The following CSMD1 variants were observed in gnomAD, a reference collection of about 807,000 sequenced individuals.
The protein encoded by CSMD1 is CUB and sushi domain-containing protein 1.
Under a neutral mutation model 417.5 loss-of-function variants are expected in CSMD1, and 213 were observed. The ratio of observed to expected loss-of-function variants is 0.51; its 90% CI spans 0.46 to 0.57. The LOEUF (loss-of-function observed/expected upper bound fraction) is 0.57. Ranked by LOEUF, CSMD1 falls within the 20% of genes least tolerant of loss-of-function variation. The pLI, the probability that CSMD1 is intolerant of heterozygous loss-of-function variation, is 0.00. For synonymous variants in CSMD1, 2,862 were observed against 1,736.8 expected, an observed-to-expected ratio of 1.65 and a Z score of -16.11; for missense variants, 6,923 against 4,529.7, an observed-to-expected ratio of 1.53 and a Z score of -15.17.
intron 3 of CSMD1, among the ~76,000 whole-genome samples, chr8:4,047,184 G>A (rs1192162396): frequency 6.6e-6 from 1 of 152,164 alleles, no homozygotes; most frequent in East Asian, 1.9e-4. Flanking sequence ...CCTGTGCTGG[G>A]CCAGATGCTC....
At chr8:3,336,540 T>C (rs995335322) in intron 23 of CSMD1, among the ~76,000 whole-genome samples, 1 of 152,168 alleles carries the variant, frequency 6.6e-6, no homozygotes, top group Non-Finnish European at 1.5e-5. Flanking sequence ...AAAAGTGTGG[T>C]GGTTGGGATT....
intron 2 of CSMD1, among the ~76,000 whole-genome samples, chr8:4,582,467 G>A (rs1266261135): frequency 3.9e-5 from 6 of 152,158 alleles, no homozygotes; most frequent in Admixed American, 3.9e-4. Flanking sequence ...GCCCAATACA[G>A]ATCCACTCTT....
chr8:3,810,489 G>T (rs991016077), intron 5 of CSMD1, among the ~76,000 whole-genome samples: 2 of 152,098 alleles, frequency 1.3e-5, no homozygotes, highest in Admixed American at 6.5e-5. Context: ...CAGCCTTTGG[G>T]ACCTGGGGCT....
Position 2,961,226 on chromosome 8 carries a change from G to T in CSMD1, c.9629-12C>A, listed in dbSNP as rs1433061135. 6.4e-7 allele frequency: 1 copy of T among 1,564,720 alleles called. No individual in the cohort carries two copies. Among genetic ancestry groups the T allele is most frequent in the Non-Finnish European group, 8.7e-7 (1 of 1,144,930 alleles). ...GTTATGAGCAGGATCTGAAATTTGT[G>T]ATTTAAAAAGAAAAGAGGGCACCAG... On this transcript the variant is annotated splice_polypyrimidine_tract_variant and intron_variant, in intron 61 of 69. Coordinates refer to ENST00000635120, the MANE Select transcript of CSMD1 (RefSeq NM_033225.6).
At chr8:4,010,495 C>G (rs186353074) in intron 4 of CSMD1, among the ~76,000 whole-genome samples, 1 of 152,096 alleles carries the variant, frequency 6.6e-6, no homozygotes, top group African/African-American at 2.4e-5. Context: ...TTCCAACAGC[C>G]CAACTCTACC....
At chr8:4,256,007 C>G (rs1285073345) in intron 3 of CSMD1, among the ~76,000 whole-genome samples, 4 of 152,148 alleles carry the variant, frequency 2.6e-5, no homozygotes, top group African/African-American at 9.7e-5. Context: ...AGAGGGTTAT[C>G]TCATAAATAC....
intron 41 of CSMD1, among the ~76,000 whole-genome samples, chr8:3,131,736 T>TAAGG (rs1817805760): frequency 6.6e-6 from 1 of 152,134 alleles, no homozygotes; most frequent in South Asian, 2.1e-4. Context: ...CCTCCCAAAA[T>TAAGG]GTTGGGATTA....
rs1563063470 is a variant in CSMD1, at chr8:3,463,600, T to G, written c.1561+5112A>C. ...CACAAGGACAGGGGCATGAGCTCAC[T>G]TTCTACAAGGACCAGTGAGCTGTCC... On this transcript the variant is annotated intron_variant, in intron 12 of 69. Coordinates refer to ENST00000635120, the MANE Select transcript of CSMD1 (RefSeq NM_033225.6). 2.0e-5 allele frequency among the ~76,000 whole-genome samples: 3 copies of G among 152,212 alleles called. No individual in the cohort carries two copies. In the South Asian group the frequency reaches 6.2e-4, roughly 32 times the overall value.
intron 32 of CSMD1, among the ~76,000 whole-genome samples, chr8:3,200,422 G>A (rs1293147018): frequency 6.6e-6 from 1 of 151,786 alleles, no homozygotes; most frequent in African/African-American, 2.4e-5. Flanking sequence ...AGGCGTGGTG[G>A]TGCATGCCTG....
In CSMD1 at chr8:4,621,549, A is replaced by AT. The variant is rs1215419028; in HGVS notation, c.302+15792dup. ...GCCCTAAATCTAGAATATACATTGAATTTTTTATTTAAGATTTCTAAAAGA... is the reference window on the plus strand; with the variant it reads ...GCCCTAAATCTAGAATATACATTGAATTTTTTTATTTAAGATTTCTAAAAGA... On this transcript the variant is annotated intron_variant, in intron 2 of 69. Coordinates refer to ENST00000635120, the MANE Select transcript of CSMD1 (RefSeq NM_033225.6). Among the ~76,000 whole-genome samples, 15 of 152,238 alleles carry AT rather than the reference A, an allele frequency of 9.9e-5. No individual in the cohort carries two copies. The East Asian group carries it at 1.9e-3, about 20-fold the overall frequency.
At chr8:4,633,606 G>A (rs546774495) in intron 2 of CSMD1, among the ~76,000 whole-genome samples, 1 of 151,960 alleles carries the variant, frequency 6.6e-6, no homozygotes, top group Admixed American at 6.6e-5. Flanking sequence ...ACCCAGGCTG[G>A]AGTGCAGTGG....
intron 1 of CSMD1, among the ~76,000 whole-genome samples, chr8:4,639,706 T>A (rs1443989003): frequency 6.6e-6 from 1 of 152,172 alleles, no homozygotes; most frequent in Non-Finnish European, 1.5e-5. Context: ...AGAAAATTAT[T>A]TTCAACTACA....
intron 3 of CSMD1, among the ~76,000 whole-genome samples, chr8:4,290,407 G>A (rs372188068): frequency 2.0e-5 from 3 of 152,208 alleles, no homozygotes; most frequent in East Asian, 3.8e-4. Flanking sequence ...ACACAGATCA[G>A]AAAGGTCTCT....
At chr8:4,008,600 CTTTTTTTTTTTTTT>C (rs1161117794) in intron 4 of CSMD1, among the ~76,000 whole-genome samples, 1 of 80,408 alleles carries the variant, frequency 1.2e-5, no homozygotes, top group Non-Finnish European at 2.2e-5. Flanking sequence ...TTCTTTTTTT[CTTTTTTTTTTTTTT>C]TTTTTTTTTT....
chr8:4,225,573 A>C (rs1348287339), intron 3 of CSMD1, among the ~76,000 whole-genome samples: 1 of 150,868 alleles, frequency 6.6e-6, no homozygotes, highest in Non-Finnish European at 1.5e-5. Flanking sequence ...TTAAGAGCCT[A>C]AATACATCAC....
intron 2 of CSMD1, among the ~76,000 whole-genome samples, chr8:4,628,728 T>C (rs1466744662): frequency 6.6e-6 from 1 of 152,084 alleles, no homozygotes; most frequent in Non-Finnish European, 1.5e-5. Flanking sequence ...TGGGAAGCCA[T>C]CTAAGAGCCC....
chr8:4,041,520 G>A (rs73511312), intron 3 of CSMD1, among the ~76,000 whole-genome samples: 1 of 152,092 alleles, frequency 6.6e-6, no homozygotes. Context: ...GTGAAAGAAT[G>A]TTCAAGAATA....
chr8:4,309,183 A>T (rs990247592), intron 3 of CSMD1, among the ~76,000 whole-genome samples: 9 of 152,162 alleles, frequency 5.9e-5, no homozygotes, highest in Admixed American at 5.9e-4. Context: ...GGAGATTCTG[A>T]AGGTTACTTT....
At chr8:3,917,622 T>G (rs1372311424) in intron 5 of CSMD1, among the ~76,000 whole-genome samples, 1 of 152,178 alleles carries the variant, frequency 6.6e-6, no homozygotes, top group African/African-American at 2.4e-5. Flanking sequence ...ATATTTTACC[T>G]TTTTCTTAAA....
Sources: gnomAD v4.1 joint callset for allele counts (sites outside exome capture counted in the v4.1 genomes callset) on GRCh38, gnomAD v4.1.1 for gene constraint, MANE v1.5 for transcripts, NCBI Gene and HGNC (gene_info 2026-07-23, HGNC 2026-07-21) for gene names.